SHISA5: variants seen among roughly 807,000 people sequenced by gnomAD.
SHISA5 encodes the protein protein shisa-5.
SHISA5 carries 21 observed loss-of-function variants against 27.5 expected under a neutral mutation model. That is an observed-to-expected ratio of 0.76 (90% CI 0.54 to 1.10). The LOEUF is 1.10. SHISA5 is among the 50% of genes least tolerant of loss of function. The pLI, the probability that SHISA5 is intolerant of heterozygous loss-of-function variation, is 0.00. For synonymous variants in SHISA5, 137 were observed against 142.2 expected (o/e 0.96, Z 0.26); for missense variants, 314 against 336.3 (o/e 0.93, Z 0.52).
chr3:48,474,901 C>T (rs2040767515), intron 3 of SHISA5, among the ~76,000 whole-genome samples: 1 of 152,178 alleles, frequency 6.6e-6, no homozygotes. Flanking sequence ...CAGGAGCACC[C>T]TCCCCACCAT....
At chr3:48,491,492 C>T (rs2041425325) in intron 2 of SHISA5, among the ~76,000 whole-genome samples, 1 of 152,028 alleles carries the variant, frequency 6.6e-6, no homozygotes, top group South Asian at 2.1e-4. Context: ...AAGCGGTGCC[C>T]GGACCACCTT....
chr3:48,478,425 G>A (rs2040892177), intron 3 of SHISA5, among the ~76,000 whole-genome samples: 1 of 152,094 alleles, frequency 6.6e-6, no homozygotes, highest in Admixed American at 6.6e-5. Flanking sequence ...GCCCTCCTGG[G>A]CAGACCTTTT....
chr3:48,468,688 C>A lies in SHISA5; in HGVS notation c.*419G>T. The A allele has an allele frequency of 8.0e-7, 1 of 1,251,296 alleles. No homozygotes were observed. The highest frequency in any genetic ancestry group is 1.0e-6 in the Non-Finnish European group (1 of 973,760). 77.5% of individuals were successfully genotyped at this position (1,251,296 alleles called of 1,614,324 possible). On this transcript the variant is annotated 3_prime_UTR_variant, in exon 6 of 6. Transcript: ENST00000296444. ...CTACGCTGCCGAAACCAGGACACAT[C>A]TGCATCACACAGAAAGCTGCGCCAC...
chr3:48,477,134 C>G (rs985660492), intron 3 of SHISA5: 6 of 430,688 alleles, frequency 1.4e-5, no homozygotes, highest in Non-Finnish European at 2.3e-5. Context: ...ACAGAACAAC[C>G]CTTCACATGG....
intron 2 of SHISA5, among the ~76,000 whole-genome samples, chr3:48,489,953 T>C (rs1447413490): frequency 6.6e-6 from 1 of 152,134 alleles, no homozygotes; most frequent in African/African-American, 2.4e-5. Context: ...GGTGCAGTGT[T>C]CTTAAAGACA....
intron 2 of SHISA5, among the ~76,000 whole-genome samples, chr3:48,493,919 T>C (rs1240004249): frequency 6.8e-6 from 1 of 147,798 alleles, no homozygotes; most frequent in African/African-American, 2.7e-5. Context: ...AATGGCTAAA[T>C]TGAGGTAATT....
chr3:48,482,852 C>A (rs2041067898), intron 2 of SHISA5, among the ~76,000 whole-genome samples: 1 of 152,082 alleles, frequency 6.6e-6, no homozygotes, highest in Non-Finnish European at 1.5e-5. Context: ...TCAGGCTGGA[C>A]TCGAACTCCT....
rs978657414 is a variant in SHISA5, at chr3:48,492,480, A to G, written c.233+8657T>C. On this transcript the variant is annotated intron_variant, in intron 2 of 5. Transcript: ENST00000296444. ...GCGAGACTCCGTCTCATAAGAAAAA[A>G]AAGAGGTAATTAGGTTTAGATGAGA... 6.1e-5 allele frequency among the ~76,000 whole-genome samples: 9 copies of G among 148,028 alleles called. No individual in the cohort carries two copies. In the South Asian group the frequency reaches 1.7e-3, roughly 28 times the overall value.
In SHISA5 at chr3:48,501,247, G is replaced by A. The variant is rs114793780; in HGVS notation, c.123C>T (p.Pro41=). ...CMASRGLSLF[P]ESCPDFCCGT... ...CACAGCAGAAATCTGGACAGGACTCGGGGAAGAGGCTGAGTCCACGGGAAG... is the reference window on the plus strand; with the variant it reads ...CACAGCAGAAATCTGGACAGGACTCAGGGAAGAGGCTGAGTCCACGGGAAG... Residue 41 remains proline (P), a synonymous_variant, in exon 2 of 6, where the codon CCC becomes CCT. Transcript: ENST00000296444. The A allele has an allele frequency of 6.2e-5, 100 of 1,614,080 alleles. No individual in the cohort carries two copies. The highest frequency in any genetic ancestry group is 9.9e-5 in the South Asian group (9 of 91,072).
At chr3:48,475,454 G>A (rs927242191) in intron 3 of SHISA5, among the ~76,000 whole-genome samples, 13 of 152,108 alleles carry the variant, frequency 8.5e-5, no homozygotes, top group African/African-American at 2.9e-4. Context: ...TCCAAGAAAT[G>A]GAAGACTCCA....
At chr3:48,486,468 TATATTATATATATTAC>T (rs1448861865) in intron 2 of SHISA5, among the ~76,000 whole-genome samples, 1 of 106,316 alleles carries the variant, frequency 9.4e-6, no homozygotes, top group Non-Finnish European at 1.7e-5. Context: ...TATTTATAAT[TATATTATATATATTAC>T]ATATTATATA....
chr3:48,475,266 C>G (rs75511785), intron 3 of SHISA5, among the ~76,000 whole-genome samples: 5,308 of 152,144 alleles, frequency 0.035, 292 homozygotes, highest in African/African-American at 0.12. Context: ...CAAGGCCACA[C>G]GTGGCTACAG....
At chr3:48,476,683 C>A in intron 3 of SHISA5, 1 of 158,364 alleles carries the variant, frequency 6.3e-6, no homozygotes, top group Non-Finnish European at 1.4e-5. Flanking sequence ...CCCTGTCCCC[C>A]TCCCCTCCTC....
At chr3:48,504,806 C>G (rs2041849968), upstream of SHISA5, 1 of 152,524 alleles carries the variant, frequency 6.6e-6, no homozygotes, top group Non-Finnish European at 1.5e-5. This position sits in a 1 kb window ranked among gnomAD's most constrained non-coding sequence, Gnocchi z 4.0. Flanking sequence ...GAGCTAGAAA[C>G]TGGCAGCTCC....
intron 2 of SHISA5, among the ~76,000 whole-genome samples, chr3:48,486,955 C>T (rs1575322658): frequency 6.6e-6 from 1 of 151,004 alleles, no homozygotes; most frequent in East Asian, 1.9e-4. Flanking sequence ...AAAAGAAAAA[C>T]CCACAGGTGG....
intron 2 of SHISA5, among the ~76,000 whole-genome samples, chr3:48,492,188 A>C (rs1470115939): frequency 7.2e-6 from 1 of 137,990 alleles, no homozygotes; most frequent in Non-Finnish European, 1.5e-5. Context: ...AAAAAAAAAA[A>C]GGCCAGGCGC....
Position 48,468,503 on chromosome 3 carries a change from C to A in SHISA5, c.*604G>T, listed in dbSNP as rs2040442350. 8.5e-7 allele frequency: 1 copy of A among 1,182,874 alleles called. No homozygotes were observed. The highest frequency in any genetic ancestry group is 1.6e-5 in the African/African-American group (1 of 62,422). 73.3% of individuals were successfully genotyped at this position (1,182,874 alleles called of 1,614,324 possible). On this transcript the variant is annotated 3_prime_UTR_variant, in exon 6 of 6. Coordinates refer to ENST00000296444, the MANE Select transcript of SHISA5 (RefSeq NM_016479.6). ...TTCTGGCATCAGGAGGCTGCCTGAT[C>A]CCCAACAGGCATGACAGGCTCCAGG...
chr3:48,484,451 C>T (rs1047138278), intron 2 of SHISA5, among the ~76,000 whole-genome samples: 2 of 151,334 alleles, frequency 1.3e-5, no homozygotes, highest in South Asian at 4.2e-4. Flanking sequence ...CAAAAATTAG[C>T]GGGGCGTGGT....
At position 48,469,690 on chromosome 3, in the gene SHISA5, C is replaced by A. The variant is rs975735832; in HGVS notation, c.430+38G>T. ...GGGCCTGGTCAGCTTCCCTTACCAC[C>A]CCAGGGGGTCACAGTGGGGCAGGGT... On this transcript the variant is annotated intron_variant, in intron 4 of 5. Coordinates refer to ENST00000296444, the MANE Select transcript of SHISA5 (RefSeq NM_016479.6). This position sits in a 1 kb window ranked among gnomAD's most constrained non-coding sequence, Gnocchi z 4.6. The A allele has an allele frequency of 6.2e-7, 1 of 1,611,946 alleles. No homozygotes were observed. Among genetic ancestry groups the A allele is most frequent in the Non-Finnish European group, 8.5e-7 (1 of 1,178,866 alleles).
Sources: gnomAD v4.1 joint callset for allele counts (sites outside exome capture counted in the v4.1 genomes callset) on GRCh38, gnomAD v4.1.1 for gene constraint, Gnocchi (gnomAD v3.1) non-coding constraint, MANE v1.5 for transcripts, NCBI Gene and HGNC (gene_info 2026-07-23, HGNC 2026-07-21) for gene names.